The following ATP6V0E1 variants were observed in gnomAD, a reference collection of about 807,000 sequenced individuals.
ATP6V0E1 encodes the protein V-type proton ATPase subunit e 1.
In ATP6V0E1, 4 loss-of-function variants were observed where a neutral mutation model predicts 11.6. The observed-to-expected ratio is 0.35, with a 90% CI of 0.17 to 0.79. ATP6V0E1 has a LOEUF of 0.79. Among genes scored for constraint, ATP6V0E1 ranks in the 30% least tolerant of loss-of-function variants. The pLI is 0.54. For missense variants in ATP6V0E1, 105 were observed against 100.0 expected (o/e 1.05, Z -0.21); for synonymous variants, 36 against 34.8 (o/e 1.04, Z -0.13).
chr5:172,993,683 C>G lies in ATP6V0E1; in HGVS notation c.105-1092C>G, dbSNP rs551985652. ...CAACCTGGTCAACATATTGAGACCC[C>G]CCCCCCCGACCCCACCTCTCCAAAA... On this transcript the variant is annotated intron_variant, in intron 1 of 3. Transcript: ENST00000519374. Among the ~76,000 whole-genome samples, 12 of 114,854 alleles carry G rather than the reference C, an allele frequency of 1.0e-4. No individual in the cohort carries two copies. The East Asian group carries it at 2.6e-3, about 25-fold the overall frequency. 75.3% of individuals were successfully genotyped at this position (114,854 alleles called of 152,430 possible). A position where few individuals can be genotyped will look rare whatever the true frequency, so the allele number is the denominator to read the frequency against.
At chr5:173,003,961 C>T (rs1227763460) in intron 2 of ATP6V0E1, among the ~76,000 whole-genome samples, 2 of 152,174 alleles carry the variant, frequency 1.3e-5, no homozygotes, top group African/African-American at 4.8e-5. Context: ...TGCTGAACAT[C>T]CTGTACTGCA....
chr5:172,996,226 G>T (rs539329880), intron 2 of ATP6V0E1, among the ~76,000 whole-genome samples: 25 of 152,270 alleles, frequency 1.6e-4, no homozygotes, highest in Admixed American at 1.5e-3. Context: ...GATTTAAAGA[G>T]AAAATGTGGA....
At chr5:173,000,745 G>C (rs1756139446) in intron 2 of ATP6V0E1, among the ~76,000 whole-genome samples, 1 of 148,474 alleles carries the variant, frequency 6.7e-6, no homozygotes, top group Non-Finnish European at 1.5e-5. Flanking sequence ...CTGTCGACCA[G>C]GCTGGAGTGC....
chr5:173,010,957 C>G (rs546692295), intron 2 of ATP6V0E1, among the ~76,000 whole-genome samples: 1 of 152,252 alleles, frequency 6.6e-6, no homozygotes, highest in South Asian at 2.1e-4. Context: ...AGCTGAGCTC[C>G]TAAGAAGTGG....
chr5:173,031,855 C>T (rs1756664046), intron 3 of ATP6V0E1, among the ~76,000 whole-genome samples: 1 of 150,442 alleles, frequency 6.6e-6, no homozygotes, highest in Admixed American at 6.7e-5. Context: ...TTAATTTACT[C>T]CAAAATCAGC....
intron 2 of ATP6V0E1, among the ~76,000 whole-genome samples, chr5:172,998,413 C>T (rs1362379103): frequency 6.6e-6 from 1 of 151,778 alleles, no homozygotes; most frequent in African/African-American, 2.4e-5. Flanking sequence ...TCAAGGCCAA[C>T]CTAGCCAACA....
chr5:172,984,018 C>A lies in ATP6V0E1; in HGVS notation c.104+54C>A, dbSNP rs971493895. On this transcript the variant is annotated intron_variant, in intron 1 of 3. Transcript: ENST00000519374. Reference sequence around the variant, plus strand: ...AACGGGCGGTGAGGAGCTAGCAGGCCGGGGCGGGGAAAGGCACGACCCCCA... The same window carrying A: ...AACGGGCGGTGAGGAGCTAGCAGGCAGGGGCGGGGAAAGGCACGACCCCCA... 8 of 1,561,450 alleles carry A rather than the reference C, an allele frequency of 5.1e-6. No homozygotes were observed. The African/African-American group carries it at 1.1e-4, about 21-fold the overall frequency.
chr5:173,019,874 C>A (rs1756454046), intron 2 of ATP6V0E1, among the ~76,000 whole-genome samples: 1 of 152,186 alleles, frequency 6.6e-6, no homozygotes, highest in Admixed American at 6.5e-5. Context: ...GACACATTTT[C>A]CCTGAGGTTG....
At chr5:172,990,767 C>T (rs1273143190) in intron 1 of ATP6V0E1, among the ~76,000 whole-genome samples, 1 of 150,944 alleles carries the variant, frequency 6.6e-6, no homozygotes, top group East Asian at 1.9e-4. Context: ...GCAGAGGTTG[C>T]AGTGAGTTGA....
chr5:172,985,308 A>G (rs1034071835), intron 1 of ATP6V0E1, among the ~76,000 whole-genome samples: 1 of 151,948 alleles, frequency 6.6e-6, no homozygotes, highest in East Asian at 1.9e-4. Flanking sequence ...TGTGACCTGA[A>G]CCCCTTTTGC....
chr5:173,009,456 C>CTTTTTTT (rs920585185), intron 2 of ATP6V0E1, among the ~76,000 whole-genome samples: 1 of 105,206 alleles, frequency 9.5e-6, no homozygotes, highest in African/African-American at 3.9e-5. Flanking sequence ...AGCCACTTCC[C>CTTTTTTT]TTTTTTTTTT....
chr5:172,983,792 A>G lies in ATP6V0E1; in HGVS notation c.-69A>G. On this transcript the variant is annotated 5_prime_UTR_variant, in exon 1 of 4. Transcript: ENST00000519374. ...GCTTGCACACGCTGGTCACGCGGTC[A>G]GCTATTGACACTTCCTGGTGGGATC... The G allele has an allele frequency of 6.9e-7, 1 of 1,459,188 alleles. No homozygotes were observed. 90.4% of individuals were successfully genotyped at this position (1,459,188 alleles called of 1,614,324 possible).
chr5:173,015,345 TA>T (rs1379268193), intron 2 of ATP6V0E1, among the ~76,000 whole-genome samples: 10 of 152,240 alleles, frequency 6.6e-5, no homozygotes, highest in Non-Finnish European at 1.5e-5. Flanking sequence ...ATACAACTCC[TA>T]AAATCCTTAG....
At chr5:172,986,563 G>C (rs1755900623) in intron 1 of ATP6V0E1, 1 of 267,372 alleles carries the variant, frequency 3.7e-6, no homozygotes, top group Non-Finnish European at 7.4e-6. Flanking sequence ...AGGAGTTCCA[G>C]GATGCAGTAA....
chr5:173,027,896 A>G (rs549478923), intron 3 of ATP6V0E1, among the ~76,000 whole-genome samples: 3 of 152,280 alleles, frequency 2.0e-5, no homozygotes, highest in South Asian at 4.1e-4. Context: ...TAGTTCCAGC[A>G]TTGCTTTTCA....
intron 3 of ATP6V0E1, among the ~76,000 whole-genome samples, chr5:173,028,789 C>T (rs1756599467): frequency 6.6e-6 from 1 of 152,240 alleles, no homozygotes; most frequent in Admixed American, 6.5e-5. Flanking sequence ...CCAGCCTCGT[C>T]TGCTTCCCTT....
rs565347898 is a variant in ATP6V0E1, at chr5:173,022,832, T to C, written c.*36+2465T>C. ...ATTTTGAATAGAGACAAGGTCTTAC[T>C]ATGTGGTCCATGTTTTGGCTAATTT... On this transcript the variant is annotated intron_variant, in intron 3 of 3. Transcript: ENST00000519374. Among the ~76,000 whole-genome samples, 15 of 151,918 alleles carry C rather than the reference T, an allele frequency of 9.9e-5. No individual in the cohort carries two copies. The South Asian group carries it at 2.9e-3, about 30-fold the overall frequency.
At chr5:173,004,543 G>A (rs144954379) in intron 2 of ATP6V0E1, among the ~76,000 whole-genome samples, 1 of 152,224 alleles carries the variant, frequency 6.6e-6, no homozygotes, top group East Asian at 1.9e-4. Context: ...GAAAGGGGAA[G>A]ATTTGGAAGA....
chr5:173,018,960 C>A (rs956709312), intron 2 of ATP6V0E1, among the ~76,000 whole-genome samples: 6 of 151,954 alleles, frequency 3.9e-5, no homozygotes, highest in African/African-American at 1.5e-4. Flanking sequence ...TGCTATTTTT[C>A]TTTTCTTTTT....
Sources: gnomAD v4.1 joint callset for allele counts (sites outside exome capture counted in the v4.1 genomes callset) on GRCh38, gnomAD v4.1.1 for gene constraint, MANE v1.5 for transcripts, NCBI Gene and HGNC (gene_info 2026-07-23, HGNC 2026-07-21) for gene names.